Variants in FAM117B observed in about 807,000 individuals in gnomAD.
FAM117B encodes protein FAM117B.
FAM117B carries 22 observed loss-of-function variants against 52.8 expected under a neutral mutation model. The observed-to-expected ratio is 0.42, with a 90% CI of 0.30 to 0.59. The LOEUF (loss-of-function observed/expected upper bound fraction) is 0.59. FAM117B is among the 20% of genes least tolerant of loss of function. The probability of loss-of-function intolerance (pLI) is 0.22; values close to 1 mark genes in which losing one functional copy is unlikely to be tolerated. For missense variants in FAM117B, 678 were observed against 802.6 expected, an observed-to-expected ratio of 0.84 and a Z score of 1.88; for synonymous variants, 309 against 324.1, an observed-to-expected ratio of 0.95 and a Z score of 0.50.
rs144400927 is a variant in FAM117B at position 202,717,016 on chromosome 2, C to T, written c.754-7901C>T. 1.0e-3 allele frequency among the ~76,000 whole-genome samples: 158 copies of T among 152,168 alleles called. 2 individuals carry two copies. The highest frequency in any genetic ancestry group is 4.8e-3 in the Admixed American group (74 of 15,284). On this transcript the variant is annotated intron_variant, in intron 2 of 7. Coordinates refer to ENST00000392238, the MANE Select transcript of FAM117B (RefSeq NM_173511.4). Reference sequence around the variant, plus strand: ...TATCTGTTTCTCTAGCATTGGTCTCCGGTTCATTTGGTGAGGTCATGCTTT... The same window carrying T: ...TATCTGTTTCTCTAGCATTGGTCTCTGGTTCATTTGGTGAGGTCATGCTTT...
At chr2:202,722,463 CATAT>C (rs1249655634) in intron 2 of FAM117B, among the ~76,000 whole-genome samples, 1 of 152,124 alleles carries the variant, frequency 6.6e-6, no homozygotes, top group Non-Finnish European at 1.5e-5. Context: ...AAATGTGGTG[CATAT>C]ACACCATGGA....
intron 1 of FAM117B, among the ~76,000 whole-genome samples, chr2:202,638,984 C>T (rs374060765): frequency 2.0e-5 from 3 of 152,250 alleles, no homozygotes; most frequent in East Asian, 1.9e-4. Flanking sequence ...CACAAAACTA[C>T]GATGAAATCA....
chr2:202,741,011 T>A (rs1691525725), intron 4 of FAM117B, among the ~76,000 whole-genome samples: 1 of 152,210 alleles, frequency 6.6e-6, no homozygotes, highest in Admixed American at 6.5e-5. Context: ...ACATGAGAGA[T>A]ACTTCCACTA....
At chr2:202,637,948 C>T (rs1689713004) in intron 1 of FAM117B, among the ~76,000 whole-genome samples, 1 of 150,040 alleles carries the variant, frequency 6.7e-6, no homozygotes, top group South Asian at 2.1e-4. Context: ...GCAATCTTGG[C>T]TCACTGCAAC....
Position 202,731,368 on chromosome 2 carries a change from T to TATATATATATATATATATATATAG in FAM117B, c.960+5005_960+5006insATATATATATATATATATATATAG, listed in dbSNP as rs780138718. Among the ~76,000 whole-genome samples the TATATATATATATATATATATATAG allele has an allele frequency of 1.1e-3, 108 of 95,826 alleles. 5 individuals are homozygous for TATATATATATATATATATATATAG. Among genetic ancestry groups the TATATATATATATATATATATATAG allele is most frequent in the Non-Finnish European group, 1.7e-3 (76 of 45,804 alleles). The allele number at this position is 95,826 out of a possible 152,430, so 62.9% of individuals were successfully genotyped here. A position where few individuals can be genotyped will look rare whatever the true frequency, so the allele number is the denominator to read the frequency against. On this transcript the variant is annotated intron_variant, in intron 4 of 7. Coordinates refer to ENST00000392238, the MANE Select transcript of FAM117B (RefSeq NM_173511.4). ...ATATATATATATATATATATATATA[T>TATATATATATATATATATATATAG]GGAGAGAGAGAGAAGCTCCTTCTCA...
chr2:202,752,107 A>G (rs1691733920), intron 4 of FAM117B, among the ~76,000 whole-genome samples: 1 of 152,206 alleles, frequency 6.6e-6, no homozygotes, highest in South Asian at 2.1e-4. Flanking sequence ...ACACTTGAAA[A>G]AAATGTGAAA....
intron 3 of FAM117B, 85 bp from the exon 4 acceptor site, chr2:202,726,165 G>A (rs1691241548): frequency 1.2e-6 from 1 of 869,098 alleles, no homozygotes. Context: ...TTAAGGGTAA[G>A]TTTTACTGGT....
At chr2:202,732,686 C>T (rs574800669) in intron 4 of FAM117B, among the ~76,000 whole-genome samples, 80 of 151,984 alleles carry the variant, frequency 5.3e-4, no homozygotes, top group African/African-American at 1.8e-3. Context: ...CTGGGCATGG[C>T]GGCACGTGCC....
intron 2 of FAM117B, among the ~76,000 whole-genome samples, chr2:202,705,701 G>A (rs1315697441): frequency 4.6e-5 from 7 of 152,150 alleles, no homozygotes; most frequent in African/African-American, 1.2e-4. Context: ...GATCCTTTGC[G>A]AGTTTGCCTT....
At chr2:202,709,185 T>C (rs1043165576) in intron 2 of FAM117B, among the ~76,000 whole-genome samples, 1 of 152,084 alleles carries the variant, frequency 6.6e-6, no homozygotes, top group Non-Finnish European at 1.5e-5. Flanking sequence ...CCACTTTTTT[T>C]TTTCCCCAAG....
intron 4 of FAM117B, among the ~76,000 whole-genome samples, chr2:202,749,377 A>G (rs142560220): frequency 6.6e-6 from 1 of 152,224 alleles, no homozygotes; most frequent in African/African-American, 2.4e-5. Flanking sequence ...AAATTATGCA[A>G]CTATAAAAAT....
At chr2:202,659,146 C>A (rs1267249011) in intron 1 of FAM117B, among the ~76,000 whole-genome samples, 2 of 151,924 alleles carry the variant, frequency 1.3e-5, no homozygotes, top group Admixed American at 6.6e-5. Context: ...GCTGGGATTA[C>A]AGGCACGCAC....
At chr2:202,756,957 A>G (rs778988588) in intron 5 of FAM117B, among the ~76,000 whole-genome samples, 46 of 152,058 alleles carry the variant, frequency 3.0e-4, no homozygotes, top group Non-Finnish European at 5.7e-4. Flanking sequence ...ATTCAGTACA[A>G]TTCATTTATT....
chr2:202,646,998 G>T (rs1449974500), intron 1 of FAM117B, among the ~76,000 whole-genome samples: 1 of 152,074 alleles, frequency 6.6e-6, no homozygotes, highest in Non-Finnish European at 1.5e-5. Context: ...GGGAAAATGT[G>T]CAGTTAAGCT....
At chr2:202,642,838 C>T (rs1479549461) in intron 1 of FAM117B, among the ~76,000 whole-genome samples, 2 of 152,254 alleles carry the variant, frequency 1.3e-5, no homozygotes, top group South Asian at 2.1e-4. Flanking sequence ...GAAGATAGAA[C>T]TCTGGGAGGA....
intron 7 of FAM117B, 22 bp downstream of exon 7, chr2:202,759,375 C>T (rs1691848288): frequency 1.3e-6 from 2 of 1,587,536 alleles, no homozygotes; most frequent in Non-Finnish European, 8.5e-7. Context: ...TTCCACCATC[C>T]CCACAAAAAA....
intron 4 of FAM117B, among the ~76,000 whole-genome samples, chr2:202,751,062 G>C (rs1224109186): frequency 6.6e-6 from 1 of 152,026 alleles, no homozygotes; most frequent in Non-Finnish European, 1.5e-5. Flanking sequence ...TTATATTTGA[G>C]GAAAGGGAAA....
chr2:202,657,700 G>C (rs886270308), intron 1 of FAM117B, among the ~76,000 whole-genome samples: 5 of 151,602 alleles, frequency 3.3e-5, no homozygotes, highest in African/African-American at 1.2e-4. Context: ...TGCCTAAGCT[G>C]GTCTCGACCT....
At chr2:202,710,474 C>T (rs1690940064) in intron 2 of FAM117B, among the ~76,000 whole-genome samples, 1 of 151,720 alleles carries the variant, frequency 6.6e-6, no homozygotes, top group Admixed American at 6.6e-5. Context: ...ATATTTGATG[C>T]AATATATTTG....
Sources: allele counts gnomAD v4.1 joint callset (sites outside exome capture counted in the v4.1 genomes callset), GRCh38; gene constraint gnomAD v4.1.1; transcripts MANE v1.5; gene names NCBI Gene and HGNC (gene_info 2026-07-23, HGNC 2026-07-21).